GATA3: variants seen among roughly 807,000 people sequenced by gnomAD.
The protein encoded by GATA3 is GATA binding protein 3.
Under a neutral mutation model 36.0 loss-of-function variants are expected in GATA3, and 6 were observed. The ratio of observed to expected loss-of-function variants is 0.17; its 90% CI spans 0.09 to 0.33. The LOEUF is 0.33. GATA3 is among the 10% of genes least tolerant of loss of function. The pLI is 1.00. For synonymous variants in GATA3, 326 were observed against 273.0 expected, an observed-to-expected ratio of 1.19 and a Z score of -1.92; for missense variants, 514 against 610.1, an observed-to-expected ratio of 0.84 and a Z score of 1.66.
upstream of GATA3, chr10:8,053,703 A>C (rs1832559474): frequency 6.6e-6 from 1 of 152,128 alleles, no homozygotes; most frequent in Non-Finnish European, 1.5e-5. This position sits in a 1 kb window ranked among gnomAD's most constrained non-coding sequence, Gnocchi z 5.1. Flanking sequence ...TGGAGTCCCG[A>C]CCAGAGGCCG....
At position 8,074,756 on chromosome 10, in the gene GATA3, A is replaced by G. The variant is rs1185842475; in HGVS notation, c.*733A>G. ...AGAAAAGATGTAGATTTATTTCATC[A>G]TATTATACAGACCGAACTGTTGTAT... On this transcript the variant is annotated 3_prime_UTR_variant, in exon 6 of 6. Coordinates refer to ENST00000379328, the MANE Select transcript of GATA3 (RefSeq NM_001002295.2). 3 of 233,654 alleles carry G rather than the reference A, an allele frequency of 1.3e-5. No individual in the cohort carries two copies. Among genetic ancestry groups the G allele is most frequent in the East Asian group, 6.0e-5 (1 of 16,592 alleles). 14.5% of individuals were successfully genotyped at this position (233,654 alleles called of 1,614,324 possible). A position where few individuals can be genotyped will look rare whatever the true frequency, so the allele number is the denominator to read the frequency against.
intron 1 of GATA3, among the ~76,000 whole-genome samples, chr10:8,046,227 C>A (rs1224680798): frequency 1.3e-5 from 2 of 152,178 alleles, no homozygotes; most frequent in Non-Finnish European, 2.9e-5. Context: ...AGAGGCAGTT[C>A]CCCCCTGAAG....
chr10:8,062,865 C>T (rs1832773152), intron 3 of GATA3, among the ~76,000 whole-genome samples: 1 of 152,170 alleles, frequency 6.6e-6, no homozygotes, highest in South Asian at 2.1e-4. Flanking sequence ...CCGTGTGTCC[C>T]TGGGTCCCCC....
At chr10:8,056,024 TACAAAAAA>T in intron 2 of GATA3, 128 bp downstream of exon 2, 4 of 1,319,260 alleles carry the variant, frequency 3.0e-6, no homozygotes, top group South Asian at 2.6e-5. Flanking sequence ...CTGGTTCATT[TACAAAAAA>T]ATTGGGGCCC....
chr10:8,053,908 C>G (rs371010487), upstream of GATA3: 3 of 152,436 alleles, frequency 2.0e-5, no homozygotes, highest in South Asian at 4.1e-4. The surrounding 1 kb of genome is among the most constrained non-coding windows in gnomAD (Gnocchi z 5.1). Flanking sequence ...CCCCTCCCCC[C>G]TTCTCATCCC....
rs892737635 is a variant in GATA3 at position 8,074,795 on chromosome 10, G to C, written c.*772G>C. 1.3e-4 allele frequency: 31 copies of C among 233,570 alleles called. 1 individual carries two copies. The highest frequency in any genetic ancestry group is 4.6e-4 in the African/African-American group (21 of 45,338). The allele number at this position is 233,570 out of a possible 1,614,324, so 14.5% of individuals were successfully genotyped here. ...GAACTGTTGTATAAATTTATTTACTGCTAGTCTTAAGAACTGCTTTCTTTC... is the reference window on the plus strand; with the variant it reads ...GAACTGTTGTATAAATTTATTTACTCCTAGTCTTAAGAACTGCTTTCTTTC... On this transcript the variant is annotated 3_prime_UTR_variant, in exon 6 of 6. Transcript: ENST00000379328.
chr10:8,052,708 G>C (rs1832528327), upstream of GATA3: 1 of 152,202 alleles, frequency 6.6e-6, no homozygotes, highest in Non-Finnish European at 1.5e-5. Flanking sequence ...TGTTTATGGA[G>C]AGGTTTCCGG....
chr10:8,072,959 A>G (rs7087058), intron 5 of GATA3, among the ~76,000 whole-genome samples: 28,023 of 151,862 alleles, frequency 0.18, 2,632 homozygotes, highest in East Asian at 0.27. Context: ...AGCCTGCCCA[A>G]TATGGTGAAA....
chr10:8,054,817 A>G lies in GATA3; in HGVS notation c.-444A>G, dbSNP rs1442922398. ...GAGAGAGACGGAGGGAGAGCGAGACAGAGCGAGCAACGCAATCTGACCGAG... is the reference window on the plus strand; with the variant it reads ...GAGAGAGACGGAGGGAGAGCGAGACGGAGCGAGCAACGCAATCTGACCGAG... On this transcript the variant is annotated 5_prime_UTR_variant, in exon 1 of 6. Transcript: ENST00000379328. The surrounding 1 kb of genome is among the most constrained non-coding windows in gnomAD (Gnocchi z 4.2). 1 of 151,256 alleles carries G rather than the reference A, an allele frequency of 6.6e-6. No individual in the cohort carries two copies. Among genetic ancestry groups the G allele is most frequent in the East Asian group, 1.9e-4 (1 of 5,134 alleles). The allele number at this position is 151,256 out of a possible 1,614,324, so 9.4% of individuals were successfully genotyped here.
At chr10:8,047,462 G>T (rs568672864) in intron 1 of GATA3, among the ~76,000 whole-genome samples, 1 of 152,226 alleles carries the variant, frequency 6.6e-6, no homozygotes, top group Non-Finnish European at 1.5e-5. Context: ...TCTTCTCCTG[G>T]TATATCTTTG....
At chr10:8,073,069 C>T (rs11567940) in intron 5 of GATA3, among the ~76,000 whole-genome samples, 8,727 of 149,184 alleles carry the variant, frequency 0.058, 649 homozygotes, top group Admixed American at 0.21. Context: ...TGCTTGAACC[C>T]GGGAGGCAGA....
In GATA3 at chr10:8,055,503, T is replaced by C. The variant is rs1050262337; in HGVS notation, c.-153T>C. The C allele has an allele frequency of 3.2e-5, 26 of 824,158 alleles. No homozygotes were observed. In the Admixed American group the frequency reaches 5.4e-4, roughly 17 times the overall value. 51.1% of individuals were successfully genotyped at this position (824,158 alleles called of 1,614,324 possible). On this transcript the variant is annotated 5_prime_UTR_variant, in exon 2 of 6. Transcript: ENST00000379328. This position sits in a 1 kb window ranked among gnomAD's most constrained non-coding sequence, Gnocchi z 5.4. Reference sequence around the variant, plus strand: ...AACCTTCTCCTTTGCTCACCTTTGCTTCCCAGCCTTCCCATCCCCCCACCG... The same window carrying C: ...AACCTTCTCCTTTGCTCACCTTTGCCTCCCAGCCTTCCCATCCCCCCACCG...
rs1469089049 is a variant in GATA3 at position 8,055,462 on chromosome 10, A to G, written c.-194A>G. The G allele has an allele frequency of 1.5e-6, 1 of 651,134 alleles. No individual in the cohort carries two copies. Among genetic ancestry groups the G allele is most frequent in the Non-Finnish European group, 2.6e-6 (1 of 384,704 alleles). 40.3% of individuals were successfully genotyped at this position (651,134 alleles called of 1,614,324 possible). A position where few individuals can be genotyped will look rare whatever the true frequency, so the allele number is the denominator to read the frequency against. On this transcript the variant is annotated 5_prime_UTR_variant, in exon 2 of 6. Coordinates refer to ENST00000379328, the MANE Select transcript of GATA3 (RefSeq NM_001002295.2). This position sits in a 1 kb window ranked among gnomAD's most constrained non-coding sequence, Gnocchi z 5.4. Reference sequence around the variant, plus strand: ...CTTCTCTTTGCTAAACGACCCCTCCAAGATAATTTTTAAAAAACCTTCTCC... The same window carrying G: ...CTTCTCTTTGCTAAACGACCCCTCCGAGATAATTTTTAAAAAACCTTCTCC...
intron 3 of GATA3, among the ~76,000 whole-genome samples, chr10:8,060,059 GAGTA>G (rs1206317928): frequency 6.6e-6 from 1 of 152,228 alleles, no homozygotes; most frequent in Non-Finnish European, 1.5e-5. Context: ...ACTTCAGAGG[GAGTA>G]CTCTGGGAGC....
chr10:8,058,933 C>A, intron 3 of GATA3, 92 bp downstream of exon 3: 2 of 1,209,132 alleles, frequency 1.7e-6, no homozygotes, highest in Non-Finnish European at 2.3e-6. Flanking sequence ...CTCAGGGGAG[C>A]CGGGGTGTCC....
upstream of GATA3, among the ~76,000 whole-genome samples, chr10:8,049,642 C>A (rs751535786): frequency 1.8e-4 from 28 of 152,264 alleles, 1 homozygote; most frequent in Admixed American, 1.1e-3. Context: ...CGGCAGCCGG[C>A]GAGCTGTTTA....
chr10:8,058,316 T>G lies in GATA3; in HGVS notation c.253T>G (p.Cys85Gly), dbSNP rs1832678595. 3 of 1,613,404 alleles carry G rather than the reference T, an allele frequency of 1.9e-6. No homozygotes were observed. The African/African-American group carries it at 4.0e-5, about 22-fold the overall frequency. The change falls in exon 3 of 6, where the codon TGC becomes GGC. Residue 85 changes from cysteine (C) to glycine (G), a missense_variant. By Grantham distance (159) the Cys-to-Gly change is radical. Transcript: ENST00000379328. ...CCGTTGCCCCACAGGGAGCCAGGTG[T>G]GCCGCCCGCCTCTGCTTCATGGATC... ...YPPTHHGSQV[C>G]RPPLLHGSLP...
chr10:8,055,964 A>T lies in GATA3; in HGVS notation c.241+68A>T. On this transcript the variant is annotated intron_variant, in intron 2 of 5. Coordinates refer to ENST00000379328, the MANE Select transcript of GATA3 (RefSeq NM_001002295.2). The surrounding 1 kb of genome is among the most constrained non-coding windows in gnomAD (Gnocchi z 5.4). ...GCCGTCCCGGCTCGGGGAGGTCGGG[A>T]GGGACCTGAGGGCGGGGAGAGGTCA... 6.5e-7 allele frequency: 1 copy of T among 1,541,064 alleles called. No homozygotes were observed. Among genetic ancestry groups the T allele is most frequent in the South Asian group, 1.2e-5 (1 of 83,684 alleles).
At chr10:8,071,624 C>A (rs1832932968) in intron 5 of GATA3, among the ~76,000 whole-genome samples, 2 of 152,190 alleles carry the variant, frequency 1.3e-5, no homozygotes, top group South Asian at 2.1e-4. Flanking sequence ...GAATGGGAGA[C>A]AGAAACTTCC....
Sources: gnomAD v4.1 joint callset for allele counts (sites outside exome capture counted in the v4.1 genomes callset) on GRCh38, gnomAD v4.1.1 for gene constraint, Gnocchi (gnomAD v3.1) non-coding constraint, MANE v1.5 for transcripts, NCBI Gene and HGNC (gene_info 2026-07-23, HGNC 2026-07-21) for gene names.